The following TNIK variants were observed in gnomAD, a reference collection of about 807,000 sequenced individuals.
TNIK encodes TRAF2 and NCK-interacting protein kinase.
In TNIK, 49 loss-of-function variants were observed where a neutral mutation model predicts 191.3. That is an observed-to-expected ratio of 0.26 (90% confidence interval 0.20 to 0.32). The LOEUF is 0.32. Among genes scored for constraint, TNIK ranks in the 10% least tolerant of loss-of-function variants. The pLI is 1.00. For missense variants in TNIK, 1,155 were observed against 1,702.3 expected, an observed-to-expected ratio of 0.68 and a Z score of 5.66; for synonymous variants, 594 against 600.9, an observed-to-expected ratio of 0.99 and a Z score of 0.17.
chr3:171,090,427 C>CTTTTTTTTTTTTTTTTT (rs375076101), intron 23 of TNIK, among the ~76,000 whole-genome samples: 1 of 140,350 alleles, frequency 7.1e-6, no homozygotes, highest in Non-Finnish European at 1.5e-5. Context: ...TTCTTTCTTT[C>CTTTTTTTTTTTTTTTTT]TTTTTTTTTT....
chr3:171,424,879 T>A (rs1310440525), intron 1 of TNIK, among the ~76,000 whole-genome samples: 1 of 150,936 alleles, frequency 6.6e-6, no homozygotes, highest in Non-Finnish European at 1.5e-5. Context: ...ATACACCTAA[T>A]GTTAAATGAC....
chr3:171,102,844 T>C (rs78892235), intron 21 of TNIK, among the ~76,000 whole-genome samples: 252 of 152,344 alleles, frequency 1.7e-3, no homozygotes, highest in African/African-American at 6.0e-3. Context: ...CCTAATCGGT[T>C]AAAAGAAAAG....
At chr3:171,215,202 T>A (rs1741315000) in intron 3 of TNIK, among the ~76,000 whole-genome samples, 1 of 152,078 alleles carries the variant, frequency 6.6e-6, no homozygotes, top group African/African-American at 2.4e-5. Flanking sequence ...AGATGAGAAA[T>A]CATGGGAAGA....
intron 1 of TNIK, among the ~76,000 whole-genome samples, chr3:171,388,773 T>A (rs1394606852): frequency 6.6e-6 from 1 of 152,208 alleles, no homozygotes; most frequent in Non-Finnish European, 1.5e-5. Context: ...CAGCAGAGCT[T>A]AGTTGCTTCT....
intron 2 of TNIK, among the ~76,000 whole-genome samples, chr3:171,242,572 T>C (rs948938443): frequency 6.6e-6 from 1 of 152,170 alleles, no homozygotes; most frequent in African/African-American, 2.4e-5. Flanking sequence ...AATGGTTTAT[T>C]TCACTGGTGG....
intron 12 of TNIK, among the ~76,000 whole-genome samples, chr3:171,154,756 T>C (rs1732945645): frequency 6.6e-6 from 1 of 152,214 alleles, no homozygotes; most frequent in Admixed American, 6.5e-5. Context: ...TTTCTCACCA[T>C]TGATGGACTC....
intron 1 of TNIK, 34 bp downstream of exon 1, chr3:171,459,973 C>T: frequency 2.0e-6 from 3 of 1,510,662 alleles, no homozygotes; most frequent in Non-Finnish European, 2.7e-6. Flanking sequence ...CTAACCCAAA[C>T]CACTGGAAAG....
intron 2 of TNIK, among the ~76,000 whole-genome samples, chr3:171,323,374 C>A (rs1186452248): frequency 1.3e-5 from 2 of 152,140 alleles, no homozygotes; most frequent in East Asian, 1.9e-4. Flanking sequence ...CCTCCTAGAC[C>A]TTCAGAAAAC....
At chr3:171,304,836 C>T (rs1577411135) in intron 2 of TNIK, among the ~76,000 whole-genome samples, 1 of 151,628 alleles carries the variant, frequency 6.6e-6, no homozygotes, top group East Asian at 1.9e-4. Context: ...GGAAGGGGAA[C>T]ATCACACACC....
At chr3:171,314,830 AG>A (rs1294300899) in intron 2 of TNIK, among the ~76,000 whole-genome samples, 1 of 152,156 alleles carries the variant, frequency 6.6e-6, no homozygotes, top group Non-Finnish European at 1.5e-5. Context: ...AGGAGGCAGA[AG>A]GGAGGTCAGG....
chr3:171,375,400 C>T (rs1717074315), intron 1 of TNIK, among the ~76,000 whole-genome samples: 1 of 152,202 alleles, frequency 6.6e-6, no homozygotes, highest in Non-Finnish European at 1.5e-5. Flanking sequence ...TAATATTACC[C>T]ACCACATGCT....
chr3:171,252,176 T>C (rs1175210966), intron 2 of TNIK, among the ~76,000 whole-genome samples: 2 of 152,260 alleles, frequency 1.3e-5, no homozygotes, highest in Non-Finnish European at 2.9e-5. Flanking sequence ...TACATCTTCA[T>C]TGCAAGCAGT....
chr3:171,324,960 G>T (rs936183652), intron 2 of TNIK, among the ~76,000 whole-genome samples: 1 of 152,068 alleles, frequency 6.6e-6, no homozygotes, highest in Non-Finnish European at 1.5e-5. Flanking sequence ...AATTAGCTGG[G>T]TATGCTGGCG....
At chr3:171,206,155 C>G (rs556979240) in intron 4 of TNIK, among the ~76,000 whole-genome samples, 82 of 152,016 alleles carry the variant, frequency 5.4e-4, no homozygotes, top group African/African-American at 1.9e-3. Context: ...AAAATAAGTA[C>G]TTTCATAAAT....
At chr3:171,197,821 T>C (rs866318386) in intron 4 of TNIK, among the ~76,000 whole-genome samples, 1 of 152,196 alleles carries the variant, frequency 6.6e-6, no homozygotes, top group African/African-American at 2.4e-5. Context: ...AATGGTAATG[T>C]AAAATGGTAT....
intron 11 of TNIK, among the ~76,000 whole-genome samples, chr3:171,160,990 C>A (rs777347563): frequency 1.3e-5 from 2 of 152,180 alleles, no homozygotes; most frequent in Admixed American, 1.3e-4. Flanking sequence ...AATTAGCCTT[C>A]TACCCATTCT....
At chr3:171,157,752 G>T (rs1733413549) in intron 11 of TNIK, 88 bp from the exon 12 acceptor site, 1 of 1,314,756 alleles carries the variant, frequency 7.6e-7, no homozygotes, top group Non-Finnish European at 1.1e-6. Context: ...CGGGACAAAT[G>T]ATTCACCCAC....
At chr3:171,205,167 G>T (rs941142755) in intron 4 of TNIK, among the ~76,000 whole-genome samples, 5 of 152,168 alleles carry the variant, frequency 3.3e-5, no homozygotes, top group Admixed American at 1.3e-4. Context: ...CTATGACTGT[G>T]TTCCCACCAA....
intron 22 of TNIK, among the ~76,000 whole-genome samples, chr3:171,097,047 A>C (rs965478831): frequency 2.0e-5 from 3 of 152,206 alleles, no homozygotes; most frequent in Admixed American, 6.5e-5. Flanking sequence ...TTGGGTGGTT[A>C]TCATAGAATA....
Sources: allele counts gnomAD v4.1 joint callset (sites outside exome capture counted in the v4.1 genomes callset), GRCh38; gene constraint gnomAD v4.1.1; transcripts MANE v1.5; gene names NCBI Gene and HGNC (gene_info 2026-07-23, HGNC 2026-07-21).